The following STK17A variants were observed in gnomAD, a reference collection of about 807,000 sequenced individuals.
The protein encoded by STK17A is serine/threonine kinase 17a.
In STK17A, 26 loss-of-function variants were observed where a neutral mutation model predicts 43.7. That is an observed-to-expected ratio of 0.60 (90% CI 0.44 to 0.83). STK17A has a LOEUF of 0.83. Among genes scored for constraint, STK17A ranks in the 40% least tolerant of loss-of-function variants. The probability of loss-of-function intolerance (pLI) is 0.00; values close to 1 mark genes in which losing one functional copy is unlikely to be tolerated. For synonymous variants in STK17A, 191 were observed against 182.5 expected (o/e 1.05, Z -0.38); for missense variants, 476 against 511.6 (o/e 0.93, Z 0.67).
chr7:43,591,486 C>G (rs1029328873), intron 1 of STK17A, among the ~76,000 whole-genome samples: 3 of 151,452 alleles, frequency 2.0e-5, no homozygotes, highest in African/African-American at 7.3e-5. Flanking sequence ...CTTGCTTGCC[C>G]TTCACAGAAA....
rs2082411697 is a variant in STK17A at position 43,583,191 on chromosome 7, C to T, written c.-53C>T. The T allele has an allele frequency of 6.5e-7, 1 of 1,540,280 alleles. No individual in the cohort carries two copies. The highest frequency in any genetic ancestry group is 1.2e-5 in the South Asian group (1 of 84,570). On this transcript the variant is annotated 5_prime_UTR_variant, in exon 1 of 7. Coordinates refer to ENST00000319357, the MANE Select transcript of STK17A (RefSeq NM_004760.3). Reference sequence around the variant, plus strand: ...AGGAGCCGGGGGCGGGTCCGTGACCCTCCGGCTGCTCGGAGTGAACAGGCG... The same window carrying T: ...AGGAGCCGGGGGCGGGTCCGTGACCTTCCGGCTGCTCGGAGTGAACAGGCG...
intron 2 of STK17A, among the ~76,000 whole-genome samples, chr7:43,599,049 G>A (rs1407614020): frequency 6.6e-6 from 1 of 152,160 alleles, no homozygotes; most frequent in Non-Finnish European, 1.5e-5. Context: ...ACAGGCATCA[G>A]CCACCAGGCC....
chr7:43,590,863 T>C (rs1313946977), intron 1 of STK17A, among the ~76,000 whole-genome samples: 1 of 151,512 alleles, frequency 6.6e-6, no homozygotes. Flanking sequence ...TGGTAAAATA[T>C]GCATGTTGGA....
At position 43,599,982 on chromosome 7, in the gene STK17A, TTC is replaced by T. The variant is rs576222902; in HGVS notation, c.419+3874_419+3875del. Among the ~76,000 whole-genome samples the T allele has an allele frequency of 4.1e-3, 628 of 152,248 alleles. 6 individuals are homozygous for T. The highest frequency in any genetic ancestry group is 0.014 in the African/African-American group (586 of 41,536). On this transcript the variant is annotated intron_variant, in intron 2 of 6. Coordinates refer to ENST00000319357, the MANE Select transcript of STK17A (RefSeq NM_004760.3). ...GAGACCAGCTTGCCTTCTATATTTC[TTC>T]TCTCCAATTACATGGTGCCTGCCAA...
At chr7:43,612,223 G>C (rs989838131) in intron 3 of STK17A, among the ~76,000 whole-genome samples, 1 of 152,160 alleles carries the variant, frequency 6.6e-6, no homozygotes, top group Non-Finnish European at 1.5e-5. Context: ...TGGTCCAAAG[G>C]GTTCTCAGCC....
chr7:43,606,464 A>T (rs139465147), intron 2 of STK17A, among the ~76,000 whole-genome samples: 1 of 152,200 alleles, frequency 6.6e-6, no homozygotes, highest in Non-Finnish European at 1.5e-5. Flanking sequence ...CAACTTTCCA[A>T]TGACCACTAG....
At position 43,625,135 on chromosome 7, in the gene STK17A, T is replaced by C; in HGVS notation, c.*293T>C. The C allele has an allele frequency of 1.2e-5, 3 of 247,452 alleles. No individual in the cohort carries two copies. Among genetic ancestry groups the C allele is most frequent in the Admixed American group, 5.1e-5 (1 of 19,748 alleles). 15.3% of individuals were successfully genotyped at this position (247,452 alleles called of 1,614,324 possible). On this transcript the variant is annotated 3_prime_UTR_variant, in exon 7 of 7. Transcript: ENST00000319357. ...CAGAATGAGAATTTGTGTACAAAGA[T>C]ATTTGTATTCACTTTCTTTAAAAAA...
intron 2 of STK17A, among the ~76,000 whole-genome samples, chr7:43,600,996 A>T (rs2082551099): frequency 2.0e-5 from 3 of 152,244 alleles, no homozygotes; most frequent in Admixed American, 6.5e-5. Flanking sequence ...AAATAATCTA[A>T]ATGTTTGTTA....
At position 43,592,077 on chromosome 7, in the gene STK17A, C is replaced by A. The variant is rs553916268; in HGVS notation, c.207-3824C>A. Reference sequence around the variant, plus strand: ...CCAATTATATGTTGAGACTTCATTTCAGACGAATTTTTTACAAATTAAACT... The same window carrying A: ...CCAATTATATGTTGAGACTTCATTTAAGACGAATTTTTTACAAATTAAACT... On this transcript the variant is annotated intron_variant, in intron 1 of 6. Coordinates refer to ENST00000319357, the MANE Select transcript of STK17A (RefSeq NM_004760.3). Among the ~76,000 whole-genome samples the A allele has an allele frequency of 9.9e-5, 15 of 151,668 alleles. 1 individual carries two copies. Among genetic ancestry groups the A allele is most frequent in the Middle Eastern group, 3.4e-3 (1 of 294 alleles).
At position 43,626,473 on chromosome 7, in the gene STK17A, TAC is replaced by T. The variant is rs1029918801; in HGVS notation, c.*1633_*1634del. ...TTTCTCACTAAATTGGCTTTATTTA[TAC>T]AGTTTCCTGGAACCTAGCATTCCTA... On this transcript the variant is annotated 3_prime_UTR_variant, in exon 7 of 7. Transcript: ENST00000319357. The T allele has an allele frequency of 1.2e-4, 18 of 152,348 alleles. No individual in the cohort carries two copies. Among genetic ancestry groups the T allele is most frequent in the Admixed American group, 4.6e-4 (7 of 15,304 alleles). The allele number at this position is 152,348 out of a possible 1,614,324, so 9.4% of individuals were successfully genotyped here. A position where few individuals can be genotyped will look rare whatever the true frequency, so the allele number is the denominator to read the frequency against.
rs188212285 is a variant in STK17A, at chr7:43,620,653, G to A, written c.691+930G>A. 2.9e-4 allele frequency among the ~76,000 whole-genome samples: 42 copies of A among 147,098 alleles called. 1 individual carries two copies. In the East Asian group the frequency reaches 7.0e-3, roughly 25 times the overall value. ...CGTGCCACTGCACTCCAGCCTGGGC[G>A]ACAGAGTGAGACTCCGTCTCAAAAA... is the stretch of plus-strand genomic sequence containing the variant. On this transcript the variant is annotated intron_variant, in intron 4 of 6. Transcript: ENST00000319357.
intron 1 of STK17A, among the ~76,000 whole-genome samples, chr7:43,586,563 G>A (rs1165361825): frequency 6.6e-6 from 1 of 151,386 alleles, no homozygotes; most frequent in African/African-American, 2.4e-5. Context: ...CGTTACTGGG[G>A]CACACAAGAG....
chr7:43,614,509 T>C (rs184106046), intron 3 of STK17A, among the ~76,000 whole-genome samples: 160 of 152,342 alleles, frequency 1.1e-3, no homozygotes, highest in Non-Finnish European at 1.7e-3. Flanking sequence ...TAGATATATT[T>C]CACCATCGAA....
intron 3 of STK17A, among the ~76,000 whole-genome samples, chr7:43,611,671 A>G (rs1289586851): frequency 1.3e-5 from 2 of 152,200 alleles, no homozygotes; most frequent in African/African-American, 2.4e-5. Context: ...TCACTGGGCT[A>G]ATACTTTAAG....
chr7:43,606,165 CCAGA>C (rs527580969), intron 2 of STK17A, among the ~76,000 whole-genome samples: 60 of 151,988 alleles, frequency 3.9e-4, no homozygotes, highest in Admixed American at 7.9e-4. Context: ...GCTTGAAGGA[CCAGA>C]CATACTTATT....
chr7:43,621,438 A>G (rs1219433618), intron 4 of STK17A, among the ~76,000 whole-genome samples: 1 of 152,200 alleles, frequency 6.6e-6, no homozygotes, highest in Non-Finnish European at 1.5e-5. Flanking sequence ...CAAAATAGTA[A>G]TTATTGCCCT....
At chr7:43,615,373 C>T (rs571760131) in intron 3 of STK17A, among the ~76,000 whole-genome samples, 1 of 152,112 alleles carries the variant, frequency 6.6e-6, no homozygotes, top group South Asian at 2.1e-4. Context: ...GACAGGTTTT[C>T]ATCATGTTGC....
intron 1 of STK17A, among the ~76,000 whole-genome samples, chr7:43,589,942 T>C: frequency 1.2e-5 from 1 of 86,210 alleles, no homozygotes; most frequent in Admixed American, 1.4e-4. Flanking sequence ...ATTTTAATTT[T>C]ATTTTATTTT....
chr7:43,623,693 T>C lies in STK17A; in HGVS notation c.741-16T>C, dbSNP rs2084169475. 1 of 1,601,122 alleles carries C rather than the reference T, an allele frequency of 6.2e-7. No homozygotes were observed. Among genetic ancestry groups the C allele is most frequent in the Non-Finnish European group, 8.5e-7 (1 of 1,175,864 alleles). Reference sequence around the variant, plus strand: ...GTATGGTACTAAATTTTTCTTGCATTTTCTTTCTAATTTAGGAGCATTGGA... The same window carrying C: ...GTATGGTACTAAATTTTTCTTGCATCTTCTTTCTAATTTAGGAGCATTGGA... On this transcript the variant is annotated splice_polypyrimidine_tract_variant and intron_variant, in intron 5 of 6. Coordinates refer to ENST00000319357, the MANE Select transcript of STK17A (RefSeq NM_004760.3).
Sources: allele counts gnomAD v4.1 joint callset (sites outside exome capture counted in the v4.1 genomes callset), GRCh38; gene constraint gnomAD v4.1.1; transcripts MANE v1.5; gene names NCBI Gene and HGNC (gene_info 2026-07-23, HGNC 2026-07-21).